Variants in ARHGEF4 observed in about 807,000 individuals in gnomAD.
ARHGEF4 encodes the protein Rho guanine nucleotide exchange factor 4, also known as APC-stimulated guanine nucleotide exchange factor 1.
In ARHGEF4, 119 loss-of-function variants were observed where a neutral mutation model predicts 162.0. That is an observed-to-expected ratio of 0.73 (90% CI 0.63 to 0.86). ARHGEF4 has a LOEUF of 0.86. ARHGEF4 is among the 40% of genes least tolerant of loss of function. The probability of loss-of-function intolerance (pLI) is 0.00; values close to 1 mark genes in which losing one functional copy is unlikely to be tolerated. For missense variants in ARHGEF4, 2,488 were observed against 2,456.0 expected (o/e 1.01, Z -0.28); for synonymous variants, 1,014 against 979.9 (o/e 1.03, Z -0.65).
chr2:130,942,311 G>A lies in ARHGEF4; in HGVS notation c.3859-4198G>A, dbSNP rs1253872707. On this transcript the variant is annotated intron_variant, in intron 3 of 13. Coordinates refer to ENST00000409359, the MANE Select transcript of ARHGEF4 (RefSeq NM_001367493.1). ...ACTACAGGAACCCGCCACCACGCCC[G>A]GCTAATTTTTTGTATTTTTAGTAGA... is the stretch of plus-strand genomic sequence containing the variant. Among the ~76,000 whole-genome samples, 16 of 151,690 alleles carry A rather than the reference G, an allele frequency of 1.1e-4. No individual in the cohort carries two copies. The South Asian group carries it at 2.3e-3, about 22-fold the overall frequency.
At chr2:130,992,164 T>C (rs924539916) in intron 4 of ARHGEF4, among the ~76,000 whole-genome samples, 1 of 152,130 alleles carries the variant, frequency 6.6e-6, no homozygotes, top group African/African-American at 2.4e-5. Flanking sequence ...GCTCAGGGAT[T>C]GTAAACGCAC....
At chr2:131,044,084 T>C (rs1209211044) in intron 11 of ARHGEF4, among the ~76,000 whole-genome samples, 1 of 152,144 alleles carries the variant, frequency 6.6e-6, no homozygotes, top group Admixed American at 6.5e-5. Flanking sequence ...GGCTAGTCAG[T>C]ACCTGCAAAA....
intron 4 of ARHGEF4, among the ~76,000 whole-genome samples, chr2:130,994,336 T>G (rs1055887636): frequency 6.6e-6 from 1 of 152,248 alleles, no homozygotes. Context: ...TTTCCATTTT[T>G]AAGTCTTTTG....
chr2:130,978,000 G>C (rs919269303), intron 4 of ARHGEF4, among the ~76,000 whole-genome samples: 1 of 152,206 alleles, frequency 6.6e-6, no homozygotes, highest in Admixed American at 6.5e-5. Context: ...TAGGGCCTAG[G>C]GAGGGGCAAG....
chr2:130,856,957 T>C (rs376082378), intron 1 of ARHGEF4, among the ~76,000 whole-genome samples: 178 of 152,312 alleles, frequency 1.2e-3, no homozygotes, highest in African/African-American at 4.1e-3. Flanking sequence ...GTGCAGTGGC[T>C]CACGCCTGTA....
chr2:131,039,343 T>C (rs945368005), intron 6 of ARHGEF4: 4 of 1,167,108 alleles, frequency 3.4e-6, no homozygotes, highest in Non-Finnish European at 4.2e-6. Flanking sequence ...TGAAGAGCAC[T>C]GATAGGGGAC....
Position 130,931,241 on chromosome 2 carries a change from A to G in ARHGEF4, c.3842A>G (p.His1281Arg). ...AGGAGGCTGCACATAGGGGCAGTGC[A>G]CAAAGATGGAGTCAAGGTAAGCCAC... ...VERRLHIGAV[H>R]KDGVKCWRKT... The change falls in exon 3 of 14, where the codon CAC becomes CGC. Residue 1281 changes from histidine (H) to arginine (R), a missense_variant. By Grantham distance (29) the His-to-Arg change is conservative. Coordinates refer to ENST00000409359, the MANE Select transcript of ARHGEF4 (RefSeq NM_001367493.1). The G allele has an allele frequency of 6.2e-7, 1 of 1,608,654 alleles. No individual in the cohort carries two copies. Among genetic ancestry groups the G allele is most frequent in the Non-Finnish European group, 8.5e-7 (1 of 1,176,212 alleles).
chr2:130,992,026 G>C (rs893863279), intron 4 of ARHGEF4, among the ~76,000 whole-genome samples: 6 of 152,228 alleles, frequency 3.9e-5, no homozygotes, highest in Non-Finnish European at 7.3e-5. Context: ...CCTGTGTCTA[G>C]CTCAGGGTTT....
chr2:131,043,152 A>C (rs1371701616), intron 10 of ARHGEF4, among the ~76,000 whole-genome samples: 1 of 152,218 alleles, frequency 6.6e-6, no homozygotes, highest in Non-Finnish European at 1.5e-5. Context: ...TTTCATATGA[A>C]GTCTTCAAAA....
intron 4 of ARHGEF4, among the ~76,000 whole-genome samples, chr2:130,985,821 T>C (rs1686444601): frequency 1.3e-5 from 2 of 152,002 alleles, no homozygotes; most frequent in Admixed American, 1.3e-4. Flanking sequence ...GTTGTGTATA[T>C]GTTGTGTGTG....
At chr2:130,961,278 A>C (rs1684608948) in intron 4 of ARHGEF4, among the ~76,000 whole-genome samples, 1 of 152,208 alleles carries the variant, frequency 6.6e-6, no homozygotes, top group South Asian at 2.1e-4. Context: ...CAGACGGGAG[A>C]AGCAGCAAGC....
chr2:130,982,846 A>G (rs1174367713), intron 4 of ARHGEF4, among the ~76,000 whole-genome samples: 1 of 152,186 alleles, frequency 6.6e-6, no homozygotes, highest in Non-Finnish European at 1.5e-5. Context: ...CTTCTGAATT[A>G]GACAAAATTA....
chr2:130,990,903 C>T (rs1406803643), intron 4 of ARHGEF4, among the ~76,000 whole-genome samples: 1 of 152,204 alleles, frequency 6.6e-6, no homozygotes, highest in East Asian at 1.9e-4. Flanking sequence ...GTACCTCACA[C>T]AGATATAGGG....
intron 1 of ARHGEF4, among the ~76,000 whole-genome samples, chr2:130,905,208 G>A (rs1192389789): frequency 1.3e-5 from 2 of 151,874 alleles, no homozygotes; most frequent in Non-Finnish European, 2.9e-5. Context: ...TTTCTAAGTA[G>A]CCCTTATAAA....
chr2:130,909,968 T>C (rs1681075406), intron 1 of ARHGEF4, among the ~76,000 whole-genome samples: 2 of 151,964 alleles, frequency 1.3e-5, no homozygotes, highest in Admixed American at 1.3e-4. Context: ...TGGAATTCAG[T>C]GGGAGGTAGA....
intron 4 of ARHGEF4, among the ~76,000 whole-genome samples, chr2:130,998,174 A>G (rs762387926): frequency 2.0e-5 from 3 of 152,184 alleles, no homozygotes; most frequent in South Asian, 2.1e-4. Flanking sequence ...TAGTATTTAT[A>G]TATTTCCTAA....
At chr2:130,981,027 A>G (rs1008397210) in intron 4 of ARHGEF4, among the ~76,000 whole-genome samples, 7 of 152,200 alleles carry the variant, frequency 4.6e-5, no homozygotes, top group Non-Finnish European at 7.3e-5. Context: ...ACTTTTGCCA[A>G]ATTACAAAAT....
intron 3 of ARHGEF4, among the ~76,000 whole-genome samples, chr2:130,943,094 A>G (rs1683406288): frequency 6.6e-6 from 1 of 152,010 alleles, no homozygotes; most frequent in African/African-American, 2.4e-5. Context: ...CAAATTTTCC[A>G]TTTTTCCTTT....
intron 4 of ARHGEF4, among the ~76,000 whole-genome samples, chr2:130,981,172 G>C (rs1686091444): frequency 6.6e-6 from 1 of 152,146 alleles, no homozygotes; most frequent in Non-Finnish European, 1.5e-5. Context: ...AATGGCTGTT[G>C]TGCTCCATCC....
Sources: gnomAD v4.1 joint callset for allele counts (sites outside exome capture counted in the v4.1 genomes callset) on GRCh38, gnomAD v4.1.1 for gene constraint, MANE v1.5 for transcripts, NCBI Gene and HGNC (gene_info 2026-07-23, HGNC 2026-07-21) for gene names.